The following MITF variants were observed in gnomAD, a reference collection of about 807,000 sequenced individuals.
The protein encoded by MITF is melanocyte inducing transcription factor.
In MITF, 17 loss-of-function variants were observed where a neutral mutation model predicts 60.5. The observed-to-expected ratio is 0.28, with a 90% CI of 0.19 to 0.42. The LOEUF (loss-of-function observed/expected upper bound fraction) is 0.42, where lower values mean the gene tolerates loss of function less well. MITF is among the 10% of genes least tolerant of loss of function. The pLI is 1.00. For synonymous variants in MITF, 260 were observed against 248.5 expected (o/e 1.05, Z -0.43); for missense variants, 622 against 683.5 (o/e 0.91, Z 1.00).
At chr3:69,909,417 G>A (rs1306508412) in intron 2 of MITF, among the ~76,000 whole-genome samples, 2 of 152,144 alleles carry the variant, frequency 1.3e-5, no homozygotes, top group African/African-American at 2.4e-5. Context: ...AGCAGAGTGG[G>A]GTGTTGCTGA....
intron 1 of MITF, among the ~76,000 whole-genome samples, chr3:69,769,119 C>T (rs2062350963): frequency 1.3e-5 from 2 of 152,108 alleles, no homozygotes; most frequent in Non-Finnish European, 2.9e-5. Flanking sequence ...GTTAAATTTG[C>T]CAAGGTTTGA....
intron 2 of MITF, among the ~76,000 whole-genome samples, chr3:69,935,295 A>G (rs2065807546): frequency 6.6e-6 from 1 of 152,226 alleles, no homozygotes; most frequent in Non-Finnish European, 1.5e-5. Flanking sequence ...TAAAGACCTC[A>G]CTGACAGTGC....
intron 2 of MITF, among the ~76,000 whole-genome samples, chr3:69,915,149 A>G (rs77418258): frequency 0.016 from 2,382 of 152,320 alleles, 29 homozygotes; most frequent in Middle Eastern, 0.051. Context: ...GTTATTAAGC[A>G]TAATAAATCA....
intron 1 of MITF, among the ~76,000 whole-genome samples, chr3:69,861,997 TTGAG>T (rs1369429812): frequency 6.6e-6 from 1 of 151,838 alleles, no homozygotes; most frequent in African/African-American, 2.4e-5. Flanking sequence ...GCTTCCATTC[TTGAG>T]TATTTTCCTG....
chr3:69,836,924 C>T (rs1421717077), intron 1 of MITF, among the ~76,000 whole-genome samples: 2 of 152,158 alleles, frequency 1.3e-5, no homozygotes, highest in Non-Finnish European at 2.9e-5. Context: ...ATTCCCCCAG[C>T]GTGTTGTAGA....
chr3:69,761,967 T>A (rs1056194950), intron 1 of MITF, among the ~76,000 whole-genome samples: 8 of 152,216 alleles, frequency 5.3e-5, no homozygotes, highest in African/African-American at 1.7e-4. Flanking sequence ...TCTTTTTCCC[T>A]CTCTCTTTTT....
At chr3:69,836,930 G>A (rs2063549692) in intron 1 of MITF, among the ~76,000 whole-genome samples, 1 of 152,198 alleles carries the variant, frequency 6.6e-6, no homozygotes, top group South Asian at 2.1e-4. Context: ...CCAGCGTGTT[G>A]TAGAACTGAT....
At chr3:69,871,782 A>C (rs1055292528) in intron 1 of MITF, among the ~76,000 whole-genome samples, 4 of 152,210 alleles carry the variant, frequency 2.6e-5, no homozygotes, top group African/African-American at 9.6e-5. Flanking sequence ...GTACAAACAG[A>C]AGGGCTTTCT....
chr3:69,830,962 C>T (rs960446872), intron 1 of MITF, among the ~76,000 whole-genome samples: 1 of 152,064 alleles, frequency 6.6e-6, no homozygotes, highest in Non-Finnish European at 1.5e-5. Context: ...TCTTGCTTTA[C>T]CCTAGACCCT....
At chr3:69,840,816 C>T (rs1005799414) in intron 1 of MITF, among the ~76,000 whole-genome samples, 6 of 150,482 alleles carry the variant, frequency 4.0e-5, no homozygotes, top group South Asian at 4.2e-4. Context: ...TGCAGTGCTG[C>T]GATCTCAGCT....
At chr3:69,903,210 C>T (rs1051879200) in intron 2 of MITF, among the ~76,000 whole-genome samples, 1 of 152,120 alleles carries the variant, frequency 6.6e-6, no homozygotes. Flanking sequence ...CTTTGGACTG[C>T]TCTGGTGAGG....
At chr3:69,820,267 G>A (rs985616035) in intron 1 of MITF, among the ~76,000 whole-genome samples, 6 of 152,008 alleles carry the variant, frequency 3.9e-5, no homozygotes, top group South Asian at 2.1e-4. Context: ...TACATGTGTG[G>A]CTCATTTTGT....
At chr3:69,799,139 AT>A (rs1575731585) in intron 1 of MITF, among the ~76,000 whole-genome samples, 1 of 152,164 alleles carries the variant, frequency 6.6e-6, no homozygotes, top group Non-Finnish European at 1.5e-5. Flanking sequence ...TAATCTGATG[AT>A]AATATAAAAT....
chr3:69,790,056 G>T (rs2062715432), intron 1 of MITF, among the ~76,000 whole-genome samples: 1 of 152,168 alleles, frequency 6.6e-6, no homozygotes, highest in African/African-American at 2.4e-5. Context: ...TAAACAGAAT[G>T]TGCTGCATAC....
At chr3:69,866,830 C>G (rs1575843109) in intron 1 of MITF, among the ~76,000 whole-genome samples, 2 of 139,468 alleles carry the variant, frequency 1.4e-5, no homozygotes. Flanking sequence ...CTCCCCCCAC[C>G]TTTTTTTTTT....
At chr3:69,762,880 T>C (rs2062231830) in intron 1 of MITF, 1 of 224,562 alleles carries the variant, frequency 4.5e-6, no homozygotes, top group Non-Finnish European at 8.9e-6. Flanking sequence ...ATCAGTTTAA[T>C]AGGTTGATGG....
chr3:69,746,885 G>T (rs947095411), intron 1 of MITF, among the ~76,000 whole-genome samples: 1 of 152,220 alleles, frequency 6.6e-6, no homozygotes, highest in African/African-American at 2.4e-5. Flanking sequence ...GATCTTGGGA[G>T]GAGGACCAGG....
At chr3:69,866,986 A>G (rs1365073026) in intron 1 of MITF, among the ~76,000 whole-genome samples, 1 of 152,212 alleles carries the variant, frequency 6.6e-6, no homozygotes, top group Non-Finnish European at 1.5e-5. Flanking sequence ...GAACAAGTTT[A>G]AAAAATGGCA....
intron 1 of MITF, among the ~76,000 whole-genome samples, chr3:69,771,246 T>TG (rs1023332737): frequency 1.4e-4 from 16 of 110,782 alleles, no homozygotes; most frequent in Non-Finnish European, 3.4e-4. Context: ...CGTTTAAACA[T>TG]GGGTTTTTTT....
Sources: gnomAD v4.1 joint callset for allele counts (sites outside exome capture counted in the v4.1 genomes callset) on GRCh38, gnomAD v4.1.1 for gene constraint, MANE v1.5 for transcripts, NCBI Gene and HGNC (gene_info 2026-07-23, HGNC 2026-07-21) for gene names.